Variants in BRINP3 observed in about 807,000 individuals in gnomAD.
BRINP3 encodes the protein BMP/retinoic acid inducible neural specific 3.
In BRINP3, 19 loss-of-function variants were observed where a neutral mutation model predicts 71.0. The ratio of observed to expected loss-of-function variants is 0.27; its 90% CI spans 0.19 to 0.39. The LOEUF (loss-of-function observed/expected upper bound fraction) is 0.39, where lower values mean the gene tolerates loss of function less well. BRINP3 is among the 10% of genes least tolerant of loss of function. The pLI, the probability that BRINP3 is intolerant of heterozygous loss-of-function variation, is 1.00. For synonymous variants in BRINP3, 380 were observed against 337.7 expected (o/e 1.13, Z -1.37); for missense variants, 959 against 940.8 (o/e 1.02, Z -0.25).
At chr1:190,160,988 A>ATGTG in intron 6 of BRINP3, 98 bp from the exon 7 acceptor site, 10 of 751,910 alleles carry the variant, frequency 1.3e-5, no homozygotes, top group South Asian at 1.9e-5. Flanking sequence ...ACATATACAC[A>ATGTG]TATATGTCAA....
intron 2 of BRINP3, among the ~76,000 whole-genome samples, chr1:190,295,894 C>T (rs769820041): frequency 6.6e-6 from 1 of 151,982 alleles, no homozygotes; most frequent in Admixed American, 6.6e-5. Flanking sequence ...GTTATTATAC[C>T]AAAATCAGGC....
At chr1:190,471,213 A>G (rs1677116872) in intron 1 of BRINP3, among the ~76,000 whole-genome samples, 1 of 151,348 alleles carries the variant, frequency 6.6e-6, no homozygotes, top group South Asian at 2.1e-4. Flanking sequence ...AAAATAAAAA[A>G]TTAAGAACTT....
At chr1:190,158,871 G>A (rs1407565656) in intron 7 of BRINP3, among the ~76,000 whole-genome samples, 2 of 149,644 alleles carry the variant, frequency 1.3e-5, no homozygotes, top group African/African-American at 2.4e-5. Flanking sequence ...GGGAGGGGGA[G>A]AGAGAGAGAG....
intron 2 of BRINP3, among the ~76,000 whole-genome samples, chr1:190,348,909 A>T (rs972545412): frequency 1.3e-5 from 2 of 152,166 alleles, no homozygotes; most frequent in Admixed American, 1.3e-4. Context: ...TTTATAACAC[A>T]ACGCAACTTG....
intron 2 of BRINP3, among the ~76,000 whole-genome samples, chr1:190,381,193 T>G (rs1670526493): frequency 6.6e-6 from 1 of 152,188 alleles, no homozygotes; most frequent in Admixed American, 6.6e-5. Flanking sequence ...TTTCTTAAAT[T>G]GTTTTTTAAA....
rs554725668 is a variant in BRINP3, at chr1:190,322,194, C to T, written c.237-40444G>A. Among the ~76,000 whole-genome samples, 3 of 151,882 alleles carry T rather than the reference C, an allele frequency of 2.0e-5. No individual in the cohort carries two copies. In the South Asian group the frequency reaches 6.3e-4, roughly 32 times the overall value. ...ATTTCCAGTAAATACAGTAGTTGAT[C>T]CTAAAAATTTGTTTTGCACCTTATC... On this transcript the variant is annotated intron_variant, in intron 2 of 7. Transcript: ENST00000367462.
At chr1:190,219,481 T>TAGAA (rs1656685832) in intron 6 of BRINP3, among the ~76,000 whole-genome samples, 1 of 151,330 alleles carries the variant, frequency 6.6e-6, no homozygotes, top group Admixed American at 6.6e-5. Flanking sequence ...TCATTAGAGG[T>TAGAA]CTCAACAGTA....
intron 4 of BRINP3, among the ~76,000 whole-genome samples, chr1:190,248,874 T>C (rs1362482520): frequency 6.6e-6 from 1 of 151,852 alleles, no homozygotes; most frequent in Non-Finnish European, 1.5e-5. Context: ...TGTTCATTTT[T>C]ATTTGTAACA....
intron 4 of BRINP3, among the ~76,000 whole-genome samples, chr1:190,259,291 T>C (rs750757882): frequency 2.7e-5 from 4 of 150,786 alleles, no homozygotes; most frequent in East Asian, 3.9e-4. Flanking sequence ...AATATACACA[T>C]TGACCAGATG....
intron 2 of BRINP3, among the ~76,000 whole-genome samples, chr1:190,306,663 A>G (rs1665121343): frequency 6.6e-6 from 1 of 151,652 alleles, no homozygotes; most frequent in Admixed American, 6.6e-5. Context: ...TGGATGGATC[A>G]GTTTTTTTTT....
chr1:190,227,332 A>G (rs1417863186), intron 5 of BRINP3, among the ~76,000 whole-genome samples: 2 of 151,846 alleles, frequency 1.3e-5, no homozygotes, highest in Non-Finnish European at 2.9e-5. Flanking sequence ...AAATATGTTG[A>G]CAAATTGCAA....
chr1:190,311,656 G>A (rs1479983499), intron 2 of BRINP3, among the ~76,000 whole-genome samples: 1 of 151,318 alleles, frequency 6.6e-6, no homozygotes, highest in East Asian at 1.9e-4. Flanking sequence ...AATTTTTTCT[G>A]TGGGAAAGTT....
intron 6 of BRINP3, among the ~76,000 whole-genome samples, chr1:190,214,505 AT>A (rs1656241293): frequency 1.3e-5 from 2 of 151,798 alleles, no homozygotes; most frequent in South Asian, 4.2e-4. Context: ...CTTCTCACAT[AT>A]TTTCAGGTTT....
At chr1:190,468,013 A>T (rs1210821155) in intron 1 of BRINP3, among the ~76,000 whole-genome samples, 2 of 151,370 alleles carry the variant, frequency 1.3e-5, no homozygotes, top group Non-Finnish European at 3.0e-5. Context: ...ATCTTGTTTG[A>T]ACTTGTCAAG....
intron 2 of BRINP3, among the ~76,000 whole-genome samples, chr1:190,333,559 T>C (rs937679492): frequency 4.6e-5 from 7 of 151,996 alleles, no homozygotes; most frequent in Admixed American, 3.3e-4. Flanking sequence ...AATTATATAT[T>C]AATGATGAAA....
intron 2 of BRINP3, among the ~76,000 whole-genome samples, chr1:190,330,693 T>C (rs568692419): frequency 1.5e-4 from 23 of 152,048 alleles, no homozygotes; most frequent in Non-Finnish European, 2.9e-4. Flanking sequence ...ATGTTCATTG[T>C]CCCACTATTC....
rs1159969648 is a variant in BRINP3, at chr1:190,301,148, CACAT to C, written c.237-19402_237-19399del. Among the ~76,000 whole-genome samples the C allele has an allele frequency of 1.5e-4, 16 of 109,494 alleles. No homozygotes were observed. The East Asian group carries it at 3.0e-3, about 21-fold the overall frequency. 71.8% of individuals were successfully genotyped at this position (109,494 alleles called of 152,430 possible). ...GGCTTTACATACATATATATATACA[CACAT>C]ACATATATATATACATATATATACA... On this transcript the variant is annotated intron_variant, in intron 2 of 7. Transcript: ENST00000367462.
intron 7 of BRINP3, among the ~76,000 whole-genome samples, chr1:190,145,784 C>T (rs1202400553): frequency 6.6e-6 from 1 of 152,006 alleles, no homozygotes; most frequent in African/African-American, 2.4e-5. Flanking sequence ...AACTGCCCAT[C>T]AACCAAAGGG....
At chr1:190,307,351 C>T (rs1665191635) in intron 2 of BRINP3, among the ~76,000 whole-genome samples, 1 of 137,390 alleles carries the variant, frequency 7.3e-6, no homozygotes, top group Admixed American at 8.3e-5. Context: ...TCACTGTAAC[C>T]TCTGCCTCCC....
Sources: gnomAD v4.1 joint callset for allele counts (sites outside exome capture counted in the v4.1 genomes callset) on GRCh38, gnomAD v4.1.1 for gene constraint, MANE v1.5 for transcripts, NCBI Gene and HGNC (gene_info 2026-07-23, HGNC 2026-07-21) for gene names.